EDIL3: variants seen among roughly 807,000 people sequenced by gnomAD.
EDIL3 encodes EGF-like repeat and discoidin I-like domain-containing protein 3.
Under a neutral mutation model 67.4 loss-of-function variants are expected in EDIL3, and 37 were observed. The ratio of observed to expected loss-of-function variants is 0.55; its 90% CI spans 0.42 to 0.72. EDIL3 has a LOEUF of 0.72. Among genes scored for constraint, EDIL3 ranks in the 30% least tolerant of loss-of-function variants. EDIL3 has a pLI of 0.00. For synonymous variants in EDIL3, 195 were observed against 196.3 expected (o/e 0.99, Z 0.05); for missense variants, 527 against 586.3 (o/e 0.90, Z 1.04).
chr5:83,972,637 A>G (rs992564610), intron 9 of EDIL3, among the ~76,000 whole-genome samples: 1 of 152,026 alleles, frequency 6.6e-6, no homozygotes, highest in Non-Finnish European at 1.5e-5. Context: ...TGTTTGAAAA[A>G]ACTCAACCAG....
intron 10 of EDIL3, among the ~76,000 whole-genome samples, chr5:83,961,699 C>T (rs1414799634): frequency 6.6e-6 from 1 of 151,166 alleles, no homozygotes; most frequent in Non-Finnish European, 1.5e-5. Flanking sequence ...GAAACATACA[C>T]TGAATCAGAA....
intron 1 of EDIL3, among the ~76,000 whole-genome samples, chr5:84,328,979 C>T (rs1746819984): frequency 6.6e-6 from 1 of 152,050 alleles, no homozygotes; most frequent in African/African-American, 2.4e-5. Flanking sequence ...CTTACCAAGG[C>T]TGAAAAGCAG....
chr5:84,046,753 C>T (rs543281726), intron 9 of EDIL3, among the ~76,000 whole-genome samples: 57 of 152,280 alleles, frequency 3.7e-4, no homozygotes, highest in Admixed American at 6.5e-4. Context: ...ACAAAGATAA[C>T]TAATACGCCA....
chr5:84,034,358 G>A (rs1442103078), intron 9 of EDIL3, among the ~76,000 whole-genome samples: 3 of 152,128 alleles, frequency 2.0e-5, no homozygotes, highest in Non-Finnish European at 2.9e-5. Flanking sequence ...TGAAGGATAT[G>A]CTGTGTGTGA....
chr5:84,193,181 A>G (rs1309762988), intron 3 of EDIL3, among the ~76,000 whole-genome samples: 1 of 152,000 alleles, frequency 6.6e-6, no homozygotes, highest in Non-Finnish European at 1.5e-5. Context: ...TGTTTGCTAT[A>G]TGGAGAATAC....
intron 1 of EDIL3, among the ~76,000 whole-genome samples, chr5:84,275,753 G>A (rs1377810682): frequency 6.6e-6 from 1 of 152,154 alleles, no homozygotes; most frequent in East Asian, 1.9e-4. Context: ...GGATATGAAA[G>A]GATTGCAACA....
chr5:84,353,412 G>A (rs1442079889), intron 1 of EDIL3, among the ~76,000 whole-genome samples: 1 of 152,120 alleles, frequency 6.6e-6, no homozygotes, highest in African/African-American at 2.4e-5. Context: ...ATTCTCATCT[G>A]TAAAATGGGG....
chr5:84,256,419 CT>C (rs1745125143), intron 1 of EDIL3, among the ~76,000 whole-genome samples: 1 of 152,088 alleles, frequency 6.6e-6, no homozygotes, highest in African/African-American at 2.4e-5. Flanking sequence ...CCAGTGGAGA[CT>C]TTTAAGGAGA....
intron 1 of EDIL3, among the ~76,000 whole-genome samples, chr5:84,303,359 G>C (rs985623439): frequency 6.6e-6 from 1 of 152,130 alleles, no homozygotes; most frequent in Non-Finnish European, 1.5e-5. Flanking sequence ...CACCTGCAAA[G>C]CTGACTGCAC....
intron 5 of EDIL3, among the ~76,000 whole-genome samples, chr5:84,113,685 G>T (rs1177806475): frequency 6.6e-6 from 1 of 152,188 alleles, no homozygotes; most frequent in Non-Finnish European, 1.5e-5. Context: ...TTGTTCCTGA[G>T]TGTGCTGATT....
intron 1 of EDIL3, among the ~76,000 whole-genome samples, chr5:84,382,826 G>GGCACACACCT (rs1283211753): frequency 6.6e-6 from 1 of 151,972 alleles, no homozygotes; most frequent in Non-Finnish European, 1.5e-5. Flanking sequence ...ACGCAGGCGA[G>GGCACACACCT]GCACACACCT....
intron 4 of EDIL3, among the ~76,000 whole-genome samples, chr5:84,160,742 TTTCTTTCC>T (rs200839499): frequency 0.045 from 6,263 of 138,854 alleles, 395 homozygotes; most frequent in Middle Eastern, 0.1. Context: ...TTTCTTTTCT[TTTCTTTCC>T]TTTCCTTTCC....
intron 1 of EDIL3, among the ~76,000 whole-genome samples, chr5:84,259,484 A>G (rs1344868022): frequency 6.6e-6 from 1 of 152,174 alleles, no homozygotes. Flanking sequence ...GATTCTAACC[A>G]TGTTTTATGG....
intron 9 of EDIL3, among the ~76,000 whole-genome samples, chr5:84,044,015 C>T (rs1038129211): frequency 7.2e-5 from 11 of 152,050 alleles, no homozygotes; most frequent in African/African-American, 9.7e-5. Flanking sequence ...AGGTTTTAAG[C>T]CCCACATGTG....
chr5:83,963,324 T>C lies in EDIL3; in HGVS notation c.1174A>G (p.Ile392Val). 1 of 1,609,148 alleles carries C rather than the reference T, an allele frequency of 6.2e-7. No individual in the cohort carries two copies. The highest frequency in any genetic ancestry group is 8.5e-7 in the Non-Finnish European group (1 of 1,177,328). The change falls in exon 10 of 11, where the codon ATT becomes GTT. Residue 392 changes from isoleucine (I) to valine (V), a missense_variant. Around this residue, in one of 2 missense-constraint regions of EDIL3, gnomAD observed 494 missense variants for 522.5 expected, o/e 0.95. Coordinates refer to ENST00000296591, the MANE Select transcript of EDIL3 (RefSeq NM_005711.5). The stretch of plus-strand genomic sequence containing the variant: ...CCAAAATCTTTAGCTCCTTGTGTAA[T>C]GATGCCAGTCACTTTGGTTGGAACA... ...LLVPTKVTGI[I>V]TQGAKDFGHV...
chr5:84,087,255 A>C (rs1371412985), intron 6 of EDIL3, among the ~76,000 whole-genome samples: 1 of 152,210 alleles, frequency 6.6e-6, no homozygotes, highest in East Asian at 1.9e-4. Context: ...TCCTTTGTAT[A>C]ATCTTCACAA....
intron 4 of EDIL3, among the ~76,000 whole-genome samples, chr5:84,140,454 C>T (rs952888567): frequency 6.6e-5 from 10 of 152,132 alleles, no homozygotes; most frequent in Admixed American, 1.3e-4. Flanking sequence ...AATATGTGAG[C>T]GTAAATCTAA....
intron 3 of EDIL3, among the ~76,000 whole-genome samples, chr5:84,215,495 G>A (rs774454949): frequency 3.9e-5 from 6 of 152,102 alleles, no homozygotes; most frequent in Non-Finnish European, 7.4e-5. Context: ...CTCGTGATCC[G>A]CCCTCCTGGG....
intron 1 of EDIL3, among the ~76,000 whole-genome samples, chr5:84,258,465 C>T (rs1227220176): frequency 6.6e-6 from 1 of 152,156 alleles, no homozygotes; most frequent in Non-Finnish European, 1.5e-5. Context: ...AGGAATTCCC[C>T]TAGGTCAGGA....
Sources: gnomAD v4.1 joint callset for allele counts (sites outside exome capture counted in the v4.1 genomes callset) on GRCh38, gnomAD v4.1.1 for gene constraint, gnomAD v4.1.1 regional missense constraint, MANE v1.5 for transcripts, NCBI Gene and HGNC (gene_info 2026-07-23, HGNC 2026-07-21) for gene names.